FMR1: variants seen among roughly 807,000 people sequenced by gnomAD.
FMR1 encodes the protein fragile X messenger ribonucleoprotein 1, also known as FMRP translational regulator 1.
A neutral mutation model predicts 50.6 loss-of-function variants in FMR1; 13 were observed. The ratio of observed to expected loss-of-function variants is 0.26; its 90% CI spans 0.17 to 0.41. The LOEUF (loss-of-function observed/expected upper bound fraction) is 0.41, where lower values mean the gene tolerates loss of function less well. Among genes scored for constraint, FMR1 ranks in the 10% least tolerant of loss-of-function variants. The probability of loss-of-function intolerance (pLI) is 1.00; values close to 1 mark genes in which losing one functional copy is unlikely to be tolerated. For synonymous variants in FMR1, 138 were observed against 164.1 expected (o/e 0.84, Z 1.22); for missense variants, 316 against 491.3 (o/e 0.64, Z 3.37).
intron 16 of FMR1, 109 bp from the exon 17 acceptor site, chrX:147,948,574 C>A: frequency 8.5e-7 from 1 of 1,171,951 alleles, no homozygotes; most frequent in Non-Finnish European, 1.1e-6. Context: ...ATCTCCATTT[C>A]TCTTTTTAAC....
In FMR1 at chrX:147,949,266, A is replaced by G. The variant is rs782097137; in HGVS notation, c.*422A>G. On this transcript the variant is annotated 3_prime_UTR_variant, in exon 17 of 17. Coordinates refer to ENST00000370475, the MANE Select transcript of FMR1 (RefSeq NM_002024.6). ...CGTATAGAAGTCTTCATGAAATGCT[A>G]TGTCATTTCATGTCCTGTGTCAGTT... 1.5e-5 allele frequency: 5 copies of G among 327,938 alleles called. No homozygotes were observed. Among genetic ancestry groups the G allele is most frequent in the South Asian group, 1.0e-4 (4 of 38,228 alleles). 27.0% of individuals were successfully genotyped at this position (327,938 alleles called of 1,213,427 possible).
chrX:147,933,427 TA>T, intron 9 of FMR1: 1 of 992,358 alleles, frequency 1.0e-6, no homozygotes, highest in Non-Finnish European at 1.3e-6. Flanking sequence ...ATAGGTTACT[TA>T]AATCTAAAAA....
intron 12 of FMR1, among the ~76,000 whole-genome samples, chrX:147,939,254 G>GT (rs202080813): frequency 0.06 from 6,395 of 105,849 alleles, 499 homozygotes; most frequent in African/African-American, 0.21. Context: ...AGAAGTAGTT[G>GT]TTTTTTTTTT....
chrX:147,920,525 AC>A (rs1557176215), intron 1 of FMR1, among the ~76,000 whole-genome samples: 1 of 110,927 alleles, frequency 9.0e-6, no homozygotes, highest in African/African-American at 3.3e-5. Flanking sequence ...CCACACACAT[AC>A]CTTTTCCCTA....
In FMR1 at chrX:147,950,706, A is replaced by C. The variant is rs782612460; in HGVS notation, c.*1862A>C. The C allele has an allele frequency of 3.1e-6, 1 of 327,430 alleles. No homozygotes were observed. Among genetic ancestry groups the C allele is most frequent in the South Asian group, 2.7e-5 (1 of 37,708 alleles). 27.0% of individuals were successfully genotyped at this position (327,430 alleles called of 1,213,427 possible). A position where few individuals can be genotyped will look rare whatever the true frequency, so the allele number is the denominator to read the frequency against. On this transcript the variant is annotated 3_prime_UTR_variant, in exon 17 of 17. Transcript: ENST00000370475. ...TTAAGCTAGGAAAAGAAATCTATAG[A>C]AAGTGTTCTGTTACAAAATGTAACT...
intron 12 of FMR1, 52 bp from the exon 13 acceptor site, chrX:147,940,524 A>G (rs981512860): frequency 5.7e-5 from 45 of 792,167 alleles, no homozygotes; most frequent in Non-Finnish European, 8.8e-5. Context: ...TGCATTTTTC[A>G]GATTAATCTA....
At chrX:147,942,581 G>A (rs1401219577) in intron 13 of FMR1, among the ~76,000 whole-genome samples, 1 of 112,179 alleles carries the variant, frequency 8.9e-6, no homozygotes, top group Non-Finnish European at 1.9e-5. Flanking sequence ...ATTTTCAGTT[G>A]ATGAAAAAAT....
At chrX:147,924,739 T>C (rs1417250416) in intron 2 of FMR1, among the ~76,000 whole-genome samples, 5 of 107,543 alleles carry the variant, frequency 4.6e-5, no homozygotes, top group Admixed American at 1.0e-4. Flanking sequence ...AGGCTGCTCT[T>C]GAAGTCCTGG....
chrX:147,932,658 G>C, intron 8 of FMR1, 27 bp from the exon 9 acceptor site: 2 of 1,198,882 alleles, frequency 1.7e-6, no homozygotes, highest in African/African-American at 3.5e-5. Flanking sequence ...CTAATCTTTT[G>C]TCTTAAAATG....
At position 147,924,360 on chromosome X, in the gene FMR1, C is replaced by G. The variant is rs1430694209; in HGVS notation, c.105-1180C>G. Among the ~76,000 whole-genome samples the G allele has an allele frequency of 5.4e-5, 6 of 110,306 alleles. No individual in the cohort carries two copies. The Admixed American group carries it at 5.9e-4, about 11-fold the overall frequency. Reference sequence around the variant, plus strand: ...TAAAACATCGACATTATACATACAACATATCTCAGTATCTGCTGATGAAGA... The same window carrying G: ...TAAAACATCGACATTATACATACAAGATATCTCAGTATCTGCTGATGAAGA... On this transcript the variant is annotated intron_variant, in intron 2 of 16. Transcript: ENST00000370475.
At chrX:147,941,926 G>A (rs1284682361) in intron 13 of FMR1, among the ~76,000 whole-genome samples, 1 of 112,624 alleles carries the variant, frequency 8.9e-6, no homozygotes, top group Non-Finnish European at 1.9e-5. Flanking sequence ...CTCACCAAAA[G>A]GTGACTGCTT....
rs782332494 is a variant in FMR1 at position 147,943,263 on chromosome X, G to A, written c.1408G>A (p.Gly470Ser). ...TGTGACTGATGATGGTCAAGGAATG[G>A]GTCGAGGTAGTAGACCTTACAGAAA... ...SYVTDDGQGM[G>S]RGSRPYRNRG... is the part of the protein sequence containing the mutation. Residue 470 changes from glycine to serine, a missense_variant, in exon 14 of 17, where the codon GGT (glycine) becomes AGT (serine). Around this residue, in one of 4 missense-constraint regions of FMR1, gnomAD observed 124 missense variants for 160.8 expected, o/e 0.77. Coordinates refer to ENST00000370475, the MANE Select transcript of FMR1 (RefSeq NM_002024.6). 2.2e-5 allele frequency: 26 copies of A among 1,209,041 alleles called. No homozygotes were observed. Among genetic ancestry groups the A allele is most frequent in the Admixed American group, 4.4e-5 (2 of 45,620 alleles).
rs923800774 is a variant in FMR1, at chrX:147,944,342, C to T, written c.1472-527C>T. Reference sequence around the variant, plus strand: ...AAACATCAGGCAAGCATGTATCTGCCTTCAGCTAGATCCAATCCATGACCC... The same window carrying T: ...AAACATCAGGCAAGCATGTATCTGCTTTCAGCTAGATCCAATCCATGACCC... On this transcript the variant is annotated intron_variant, in intron 14 of 16. Transcript: ENST00000370475. 3 of 751,968 alleles carry T rather than the reference C, an allele frequency of 4.0e-6. No individual in the cohort carries two copies. In the African/African-American group the frequency reaches 7.0e-5, roughly 17 times the overall value. The allele number at this position is 751,968 out of a possible 1,213,427, so 62.0% of individuals were successfully genotyped here. A position where few individuals can be genotyped will look rare whatever the true frequency, so the allele number is the denominator to read the frequency against.
chrX:147,950,884 T>C lies in FMR1; in HGVS notation c.*2040T>C, dbSNP rs2044299801. On this transcript the variant is annotated 3_prime_UTR_variant, in exon 17 of 17. Transcript: ENST00000370475. ...AAGTCTCTTTTTTACAAAGGCTGTA[T>C]TCAGCAAGGCGCTAACTTGCTTAAA... is the stretch of plus-strand genomic sequence containing the variant. 3.2e-6 allele frequency: 1 copy of C among 309,104 alleles called. No individual in the cohort carries two copies. Among genetic ancestry groups the C allele is most frequent in the Non-Finnish European group, 6.2e-6 (1 of 161,543 alleles). 25.5% of individuals were successfully genotyped at this position (309,104 alleles called of 1,213,427 possible). A position where few individuals can be genotyped will look rare whatever the true frequency, so the allele number is the denominator to read the frequency against.
At chrX:147,926,779 T>A in intron 3 of FMR1, among the ~76,000 whole-genome samples, 1 of 111,868 alleles carries the variant, frequency 8.9e-6, no homozygotes, top group East Asian at 2.8e-4. Context: ...TGAGCCACCA[T>A]GCCCAGCTGG....
intron 15 of FMR1, among the ~76,000 whole-genome samples, chrX:147,945,314 C>T (rs1557181736): frequency 8.9e-6 from 1 of 112,316 alleles, no homozygotes; most frequent in Non-Finnish European, 1.9e-5. Flanking sequence ...CCTTCATTAA[C>T]TCACATTGAC....
rs782789984 is a variant in FMR1 at position 147,932,600 on chromosome X, A to T, written c.801+5A>T. On this transcript the variant is annotated splice_donor_5th_base_variant and intron_variant, in intron 8 of 16. Transcript: ENST00000370475. ...ACATTTCATATTTATGGAGAGGTAA[A>T]TATTTTACTGCATAGTTTTTTTTTC... 10 of 1,203,959 alleles carry T rather than the reference A, an allele frequency of 8.3e-6. No individual in the cohort carries two copies. Among genetic ancestry groups the T allele is most frequent in the Non-Finnish European group, 1.1e-5 (10 of 888,417 alleles).
chrX:147,942,277 G>C (rs782728224), intron 13 of FMR1, among the ~76,000 whole-genome samples: 34 of 112,119 alleles, frequency 3.0e-4, no homozygotes, highest in Admixed American at 2.2e-3. Flanking sequence ...CTATAGTTAT[G>C]AATCTGATTC....
intron 1 of FMR1, chrX:147,913,516 A>G (rs2042699792): frequency 8.9e-6 from 1 of 112,323 alleles, no homozygotes. Context: ...AATGGCTTGA[A>G]TGTTTCAGAC....
Sources: gnomAD v4.1 joint callset for allele counts (sites outside exome capture counted in the v4.1 genomes callset) on GRCh38, gnomAD v4.1.1 for gene constraint, gnomAD v4.1.1 regional missense constraint, MANE v1.5 for transcripts, NCBI Gene and HGNC (gene_info 2026-07-23, HGNC 2026-07-21) for gene names.